SORCS2: variants seen among roughly 807,000 people sequenced by gnomAD.
The protein encoded by SORCS2 is VPS10 domain-containing receptor SorCS2.
Under a neutral mutation model 141.6 loss-of-function variants are expected in SORCS2, and 100 were observed. The ratio of observed to expected loss-of-function variants is 0.71; its 90% CI spans 0.60 to 0.83. The LOEUF is 0.83. Ranked by LOEUF, SORCS2 falls within the 40% of genes least tolerant of loss-of-function variation. The probability of loss-of-function intolerance (pLI) is 0.00; values close to 1 mark genes in which losing one functional copy is unlikely to be tolerated. For missense variants in SORCS2, 1,646 were observed against 1,560.2 expected (o/e 1.05, Z -0.93); for synonymous variants, 789 against 676.9 (o/e 1.17, Z -2.57).
At chr4:7,637,353 TCTC>T (rs1187417208) in intron 3 of SORCS2, among the ~76,000 whole-genome samples, 3 of 152,306 alleles carry the variant, frequency 2.0e-5, no homozygotes, top group East Asian at 3.9e-4. Flanking sequence ...GGCTCAGCGT[TCTC>T]CTCTGCTGAA....
At chr4:7,462,400 G>A (rs1263743161) in intron 2 of SORCS2, among the ~76,000 whole-genome samples, 1 of 152,224 alleles carries the variant, frequency 6.6e-6, no homozygotes, top group African/African-American at 2.4e-5. Context: ...GAGGCTGGGA[G>A]TGGGACTAAG....
chr4:7,628,003 C>T (rs1719626075), intron 3 of SORCS2, among the ~76,000 whole-genome samples: 1 of 152,232 alleles, frequency 6.6e-6, no homozygotes, highest in African/African-American at 2.4e-5. Context: ...GACCCTGGCA[C>T]AGCCCCGGGC....
At chr4:7,430,237 C>A (rs1726738837) in intron 2 of SORCS2, 1 of 147,746 alleles carries the variant, frequency 6.8e-6, no homozygotes, top group Non-Finnish European at 1.5e-5. Flanking sequence ...TCCAGGAGAG[C>A]CCTGAGTTTG....
chr4:7,569,490 G>A (rs1212295391), intron 3 of SORCS2, among the ~76,000 whole-genome samples: 1 of 152,130 alleles, frequency 6.6e-6, no homozygotes, highest in Non-Finnish European at 1.5e-5. Context: ...CCAGCCTGGG[G>A]GACAGACAGG....
intron 3 of SORCS2, among the ~76,000 whole-genome samples, chr4:7,572,211 G>A (rs1483674106): frequency 6.6e-6 from 1 of 152,160 alleles, no homozygotes; most frequent in Non-Finnish European, 1.5e-5. Flanking sequence ...CCAAAGCTGA[G>A]GCTGAGGCCC....
At position 7,203,876 on chromosome 4, in the gene SORCS2, A is replaced by G. The variant is rs536620525; in HGVS notation, c.480+10750A>G. 6.6e-5 allele frequency among the ~76,000 whole-genome samples: 10 copies of G among 152,172 alleles called. No homozygotes were observed. In the South Asian group the frequency reaches 2.1e-3, roughly 32 times the overall value. On this transcript the variant is annotated intron_variant, in intron 1 of 26. Coordinates refer to ENST00000507866, the MANE Select transcript of SORCS2 (RefSeq NM_020777.3). ...TCTACTTTCTGTCTCTATGAATTTGATGCTCTAATGGCCTCATATGGGTGG... is the reference window on the plus strand; with the variant it reads ...TCTACTTTCTGTCTCTATGAATTTGGTGCTCTAATGGCCTCATATGGGTGG...
intron 4 of SORCS2, among the ~76,000 whole-genome samples, chr4:7,650,298 G>C (rs144241381): frequency 6.6e-6 from 1 of 152,182 alleles, no homozygotes; most frequent in South Asian, 2.1e-4. Flanking sequence ...CAAAGGGCCC[G>C]GCTGGTGCTC....
chr4:7,617,087 G>A (rs532482756), intron 3 of SORCS2, among the ~76,000 whole-genome samples: 1 of 152,302 alleles, frequency 6.6e-6, no homozygotes, highest in African/African-American at 2.4e-5. Flanking sequence ...AGTCCAAATT[G>A]TGGCCAGGCC....
At chr4:7,389,208 G>A (rs1395369101) in intron 1 of SORCS2, among the ~76,000 whole-genome samples, 2 of 152,224 alleles carry the variant, frequency 1.3e-5, no homozygotes, top group African/African-American at 4.8e-5. Flanking sequence ...CTTCGTCCAT[G>A]TTGGCTGGCG....
intron 2 of SORCS2, among the ~76,000 whole-genome samples, chr4:7,403,961 G>GTATGTATA (rs1724757831): frequency 3.3e-5 from 1 of 29,892 alleles, no homozygotes; most frequent in African/African-American, 1.1e-4. Flanking sequence ...CTCCATGTGT[G>GTATGTATA]TATATATATA....
rs1244863409 is a variant in SORCS2, at chr4:7,293,205, A to G, written c.480+100079A>G. Among the ~76,000 whole-genome samples, 6 of 151,944 alleles carry G rather than the reference A, an allele frequency of 3.9e-5. No homozygotes were observed. The South Asian group carries it at 6.2e-4, about 16-fold the overall frequency. ...TGTAGTCCCAGCTACTCGGGAGGCT[A>G]AGGCAGGAGAATGGCGTGAACCCAG... On this transcript the variant is annotated intron_variant, in intron 1 of 26. Transcript: ENST00000507866.
intron 3 of SORCS2, among the ~76,000 whole-genome samples, chr4:7,578,361 T>C (rs949771424): frequency 6.6e-6 from 1 of 152,126 alleles, no homozygotes; most frequent in Non-Finnish European, 1.5e-5. Context: ...CAACACAAAA[T>C]GGACTAAGAC....
At chr4:7,461,823 C>A (rs1729330547) in intron 2 of SORCS2, among the ~76,000 whole-genome samples, 1 of 152,162 alleles carries the variant, frequency 6.6e-6, no homozygotes, top group Non-Finnish European at 1.5e-5. Context: ...ACACATCAAG[C>A]CCCACCCCAC....
At chr4:7,264,892 G>A (rs900058979) in intron 1 of SORCS2, among the ~76,000 whole-genome samples, 2 of 152,234 alleles carry the variant, frequency 1.3e-5, no homozygotes, top group Admixed American at 6.5e-5. Flanking sequence ...ACCCTGCCAT[G>A]CCAGACCCCA....
At chr4:7,298,559 G>A (rs1442155851) in intron 1 of SORCS2, among the ~76,000 whole-genome samples, 3 of 152,220 alleles carry the variant, frequency 2.0e-5, no homozygotes, top group Admixed American at 1.3e-4. Context: ...TGGACAGCAT[G>A]TTTCTTGGAG....
rs562592222 is a variant in SORCS2 at position 7,627,736 on chromosome 4, C to T, written c.649-10592C>T. On this transcript the variant is annotated intron_variant, in intron 3 of 26. Transcript: ENST00000507866. ...GCAGGCTGGAATGAAGGCGTGCCCT[C>T]GGTCCACACAAGAGAAGGTTTCAGA... Among the ~76,000 whole-genome samples, 68 of 150,808 alleles carry T rather than the reference C, an allele frequency of 4.5e-4. 1 individual carries two copies. Among genetic ancestry groups the T allele is most frequent in the Non-Finnish European group, 8.7e-4 (59 of 67,556 alleles).
chr4:7,689,457 G>T (rs765145183), intron 10 of SORCS2, 29 bp from the exon 11 acceptor site: 1 of 1,560,666 alleles, frequency 6.4e-7, no homozygotes, highest in East Asian at 2.4e-5. Flanking sequence ...CTCATGTGTT[G>T]ACAGTTGCGT....
At chr4:7,371,208 G>C (rs1291445680) in intron 1 of SORCS2, among the ~76,000 whole-genome samples, 1 of 152,206 alleles carries the variant, frequency 6.6e-6, no homozygotes, top group Non-Finnish European at 1.5e-5. Flanking sequence ...GAAGGTCTAT[G>C]GGGATCGTGC....
At chr4:7,215,938 A>C (rs1314837157) in intron 1 of SORCS2, among the ~76,000 whole-genome samples, 1 of 133,046 alleles carries the variant, frequency 7.5e-6, no homozygotes, top group Non-Finnish European at 1.8e-5. Context: ...AGAGAATAAA[A>C]GCAGGCTGCC....
Sources: gnomAD v4.1 joint callset for allele counts (sites outside exome capture counted in the v4.1 genomes callset) on GRCh38, gnomAD v4.1.1 for gene constraint, MANE v1.5 for transcripts, NCBI Gene and HGNC (gene_info 2026-07-23, HGNC 2026-07-21) for gene names.